ARHGAP24: variants seen among roughly 807,000 people sequenced by gnomAD.
ARHGAP24 encodes rho GTPase-activating protein 24.
A neutral mutation model predicts 76.4 loss-of-function variants in ARHGAP24; 50 were observed. The ratio of observed to expected loss-of-function variants is 0.65; its 90% CI spans 0.52 to 0.83. The LOEUF is 0.83. ARHGAP24 is among the 40% of genes least tolerant of loss of function. ARHGAP24 has a pLI of 0.00. For synonymous variants in ARHGAP24, 345 were observed against 323.3 expected, an observed-to-expected ratio of 1.07 and a Z score of -0.72; for missense variants, 930 against 914.2, an observed-to-expected ratio of 1.02 and a Z score of -0.22.
At chr4:85,636,247 A>G (rs1378914501) in intron 2 of ARHGAP24, among the ~76,000 whole-genome samples, 2 of 151,400 alleles carry the variant, frequency 1.3e-5, no homozygotes, top group Non-Finnish European at 3.0e-5. Flanking sequence ...AACTTTGAGT[A>G]TTTCCCAAAG....
chr4:85,783,388 G>T (rs1578223171), intron 3 of ARHGAP24, among the ~76,000 whole-genome samples: 1 of 152,200 alleles, frequency 6.6e-6, no homozygotes, highest in South Asian at 2.1e-4. Context: ...ATAAAATTAG[G>T]ATAAGCATTC....
chr4:85,495,563 G>A (rs2110096077), intron 1 of ARHGAP24, among the ~76,000 whole-genome samples: 1 of 151,754 alleles, frequency 6.6e-6, no homozygotes, highest in South Asian at 2.1e-4. Flanking sequence ...GTGTTAGCCA[G>A]GATGGGTCTC....
chr4:85,517,186 T>G (rs1419887545), intron 1 of ARHGAP24, among the ~76,000 whole-genome samples: 1 of 152,218 alleles, frequency 6.6e-6, no homozygotes, highest in Admixed American at 6.5e-5. Flanking sequence ...ATAGTACATT[T>G]AAATCTGTAT....
intron 3 of ARHGAP24, among the ~76,000 whole-genome samples, chr4:85,906,479 G>A (rs1216803675): frequency 1.3e-5 from 2 of 152,098 alleles, no homozygotes; most frequent in African/African-American, 2.4e-5. Flanking sequence ...TGCTCATTAT[G>A]AATTTTCTAT....
At chr4:85,544,991 T>A (rs1725861208) in intron 1 of ARHGAP24, among the ~76,000 whole-genome samples, 1 of 152,208 alleles carries the variant, frequency 6.6e-6, no homozygotes, top group African/African-American at 2.4e-5. Context: ...GCAGATCGTG[T>A]CACACGGACT....
At chr4:85,831,431 C>CTT (rs1395700624) in intron 3 of ARHGAP24, among the ~76,000 whole-genome samples, 1 of 152,120 alleles carries the variant, frequency 6.6e-6, no homozygotes, top group Non-Finnish European at 1.5e-5. Flanking sequence ...AAAAGAGAGA[C>CTT]TTTTACATTT....
At chr4:85,649,557 A>G (rs1472334029) in intron 2 of ARHGAP24, among the ~76,000 whole-genome samples, 14 of 152,128 alleles carry the variant, frequency 9.2e-5, no homozygotes, top group Admixed American at 9.2e-4. Flanking sequence ...CACTGGATAA[A>G]CAGATTGATT....
intron 3 of ARHGAP24, among the ~76,000 whole-genome samples, chr4:85,807,268 A>AC (rs1051914568): frequency 3.3e-5 from 4 of 122,190 alleles, no homozygotes; most frequent in Non-Finnish European, 5.1e-5. Flanking sequence ...TAACCTCCCC[A>AC]CCCCCAACAG....
At chr4:85,743,286 C>T (rs1578189863) in intron 3 of ARHGAP24, among the ~76,000 whole-genome samples, 1 of 140,260 alleles carries the variant, frequency 7.1e-6, no homozygotes, top group East Asian at 2.0e-4. Context: ...GAGAGAAAGA[C>T]AAAGGGACTT....
intron 3 of ARHGAP24, among the ~76,000 whole-genome samples, chr4:85,790,552 A>G (rs1485600492): frequency 1.3e-5 from 2 of 152,170 alleles, no homozygotes; most frequent in Non-Finnish European, 2.9e-5. Flanking sequence ...CTCTTCCCAG[A>G]GTAAAAAATC....
At chr4:85,475,766 AGCCT>A (rs1248090797) in intron 1 of ARHGAP24, among the ~76,000 whole-genome samples, 8 of 149,396 alleles carry the variant, frequency 5.4e-5, no homozygotes, top group African/African-American at 2.0e-4. Context: ...GTGCTGATGT[AGCCT>A]GTCTGTGTTT....
intron 5 of ARHGAP24, among the ~76,000 whole-genome samples, chr4:85,968,585 A>G (rs1267912205): frequency 1.3e-5 from 2 of 152,168 alleles, no homozygotes; most frequent in Admixed American, 1.3e-4. Context: ...GACTGAACAT[A>G]CAAAGATATT....
chr4:85,665,389 A>G (rs1169943588), intron 2 of ARHGAP24, among the ~76,000 whole-genome samples: 1 of 151,506 alleles, frequency 6.6e-6, no homozygotes, highest in African/African-American at 2.4e-5. Context: ...CCATCCTTTT[A>G]TTTTCAGCCT....
intron 3 of ARHGAP24, among the ~76,000 whole-genome samples, chr4:85,738,399 T>C (rs572780853): frequency 6.3e-5 from 9 of 143,642 alleles, no homozygotes; most frequent in Non-Finnish European, 1.3e-4. Flanking sequence ...TTATTATTAT[T>C]ATTATCATTA....
intron 1 of ARHGAP24, among the ~76,000 whole-genome samples, chr4:85,495,495 C>T (rs10023293): frequency 1.4e-4 from 20 of 147,098 alleles, no homozygotes; most frequent in Admixed American, 7.5e-4. Context: ...GGACTACAGG[C>T]GCCCGCCACC....
At chr4:85,691,804 G>A (rs1578144437) in intron 2 of ARHGAP24, among the ~76,000 whole-genome samples, 1 of 152,142 alleles carries the variant, frequency 6.6e-6, no homozygotes, top group Non-Finnish European at 1.5e-5. Flanking sequence ...TTGCCACTCT[G>A]TGTCTTTTAA....
At chr4:85,857,941 C>T (rs1327159618) in intron 3 of ARHGAP24, among the ~76,000 whole-genome samples, 1 of 152,070 alleles carries the variant, frequency 6.6e-6, no homozygotes, top group Non-Finnish European at 1.5e-5. Flanking sequence ...ATGATGTATT[C>T]TAATAATTCT....
intron 3 of ARHGAP24, among the ~76,000 whole-genome samples, chr4:85,832,392 G>A (rs556982286): frequency 2.0e-5 from 3 of 152,288 alleles, no homozygotes; most frequent in South Asian, 2.1e-4. Flanking sequence ...ACTGCCAGGT[G>A]GGTCTTTTAC....
chr4:85,566,772 G>T (rs991819561), intron 1 of ARHGAP24, among the ~76,000 whole-genome samples: 1 of 152,212 alleles, frequency 6.6e-6, no homozygotes, highest in Non-Finnish European at 1.5e-5. Flanking sequence ...TAGCAATTTA[G>T]AGAAGTGTCA....
Sources: gnomAD v4.1 joint callset for allele counts (sites outside exome capture counted in the v4.1 genomes callset) on GRCh38, gnomAD v4.1.1 for gene constraint, MANE v1.5 for transcripts, NCBI Gene and HGNC (gene_info 2026-07-23, HGNC 2026-07-21) for gene names.